Variants in DCAF13 observed in about 807,000 individuals in gnomAD.
DCAF13 encodes the protein DDB1 and CUL4 associated factor 13, also known as DDB1- and CUL4-associated factor 13.
In DCAF13, 38 loss-of-function variants were observed where a neutral mutation model predicts 59.0. That is an observed-to-expected ratio of 0.64 (90% CI 0.50 to 0.84). DCAF13 has a LOEUF of 0.84. Ranked by LOEUF, DCAF13 falls within the 40% of genes least tolerant of loss-of-function variation. DCAF13 has a pLI of 0.00. For missense variants in DCAF13, 469 were observed against 558.4 expected (o/e 0.84, Z 1.61); for synonymous variants, 173 against 175.0 (o/e 0.99, Z 0.09).
intron 3 of DCAF13, among the ~76,000 whole-genome samples, chr8:103,424,309 G>A (rs750580568): frequency 6.2e-4 from 95 of 152,352 alleles, no homozygotes; most frequent in Non-Finnish European, 1.1e-3. Flanking sequence ...TTACAGGCGC[G>A]AGCCGCCATG....
In DCAF13 at chr8:103,430,758, AAC is replaced by A. The variant is rs1173731641; in HGVS notation, c.702+71_702+72del. 7 of 1,089,156 alleles carry A rather than the reference AAC, an allele frequency of 6.4e-6. No homozygotes were observed. The African/African-American group carries it at 1.1e-4, about 18-fold the overall frequency. 67.5% of individuals were successfully genotyped at this position (1,089,156 alleles called of 1,614,324 possible). On this transcript the variant is annotated intron_variant, in intron 6 of 10. Transcript: ENST00000612750. ...ATATTTCTCTGTAAATAGAGTGACT[AAC>A]AATATGGAGCAAATATTTTCTCAGA...
At chr8:103,436,409 A>T (rs1371085537) in intron 8 of DCAF13, among the ~76,000 whole-genome samples, 1 of 152,120 alleles carries the variant, frequency 6.6e-6, no homozygotes, top group Non-Finnish European at 1.5e-5. Flanking sequence ...TTGGTTGATG[A>T]GAGGTTGAGA....
chr8:103,439,287 G>A (rs1816973280), intron 8 of DCAF13, among the ~76,000 whole-genome samples: 2 of 151,506 alleles, frequency 1.3e-5, no homozygotes, highest in South Asian at 4.2e-4. Context: ...CACCGCACCT[G>A]GCTCTATTAA....
At chr8:103,420,020 A>T (rs1364128641) in intron 1 of DCAF13, among the ~76,000 whole-genome samples, 1 of 152,050 alleles carries the variant, frequency 6.6e-6, no homozygotes, top group Non-Finnish European at 1.5e-5. Context: ...AAAAAAAAAA[A>T]AAAGGAAATG....
chr8:103,424,099 A>G (rs975307185), intron 3 of DCAF13, among the ~76,000 whole-genome samples: 1 of 152,030 alleles, frequency 6.6e-6, no homozygotes, highest in African/African-American at 2.4e-5. Flanking sequence ...GCTCACTGCA[A>G]GCTCTGCCTC....
At chr8:103,431,931 A>G (rs1816870647) in intron 6 of DCAF13, among the ~76,000 whole-genome samples, 1 of 152,144 alleles carries the variant, frequency 6.6e-6, no homozygotes, top group South Asian at 2.1e-4. Context: ...TCTAATTTGC[A>G]ACTCATTTAT....
At chr8:103,441,166 A>C (rs1817005084) in intron 9 of DCAF13, 5 of 243,552 alleles carry the variant, frequency 2.1e-5, no homozygotes, top group Non-Finnish European at 3.1e-5. Flanking sequence ...TATGTTATTG[A>C]TGCCTAGGGA....
At chr8:103,434,297 T>C (rs530920047) in intron 7 of DCAF13, among the ~76,000 whole-genome samples, 6 of 152,258 alleles carry the variant, frequency 3.9e-5, no homozygotes, top group African/African-American at 1.4e-4. Flanking sequence ...AGGGTTAGAA[T>C]AGATGATCCC....
At chr8:103,441,769 C>A in intron 10 of DCAF13, 151 bp downstream of exon 10, 1 of 721,570 alleles carries the variant, frequency 1.4e-6, no homozygotes, top group Non-Finnish European at 2.2e-6. Context: ...TACAGAAGGC[C>A]TTTTCTTTTT....
At chr8:103,416,918 A>G (rs1406010281) in intron 1 of DCAF13, among the ~76,000 whole-genome samples, 2 of 152,244 alleles carry the variant, frequency 1.3e-5, no homozygotes, top group South Asian at 2.1e-4. Flanking sequence ...TTTTAGTTGT[A>G]GGAACAGCTG....
chr8:103,424,888 C>T (rs945546049), intron 3 of DCAF13, among the ~76,000 whole-genome samples: 2 of 152,128 alleles, frequency 1.3e-5, no homozygotes, highest in African/African-American at 4.8e-5. Flanking sequence ...GGCTCAGATT[C>T]ATAGTTGTTA....
Position 103,427,172 on chromosome 8 carries a change from G to A in DCAF13, c.544G>A (p.Asp182Asn). ...ATGTGGACAGCAAGTAGACATTTGG[G>A]ATGAACAAAGAACTAATCCTATATG... Reference protein sequence around the residue: ...ATCGQQVDIWDEQRTNPICSM... With the variant: ...ATCGQQVDIWNEQRTNPICSM... Residue 182 changes from aspartate (D) to asparagine (N), a missense_variant, in exon 5 of 11, where the codon GAT becomes AAT. By Grantham distance (23) the Asp-to-Asn change is conservative (BLOSUM62 1). Around this residue, in one of 3 missense-constraint regions of DCAF13, gnomAD observed 355 missense variants for 399.1 expected, o/e 0.89. Transcript: ENST00000612750. The A allele has an allele frequency of 6.2e-7, 1 of 1,613,420 alleles. No individual in the cohort carries two copies. Among genetic ancestry groups the A allele is most frequent in the South Asian group, 1.1e-5 (1 of 91,052 alleles).
rs752723394 is a variant in DCAF13, at chr8:103,415,431, C to G, written c.-16C>G. The G allele has an allele frequency of 1.2e-6, 2 of 1,613,998 alleles. No individual in the cohort carries two copies. The highest frequency in any genetic ancestry group is 1.7e-6 in the Non-Finnish European group (2 of 1,180,004). On this transcript the variant is annotated 5_prime_UTR_variant, in exon 1 of 11. Transcript: ENST00000612750. Reference sequence around the variant, plus strand: ...TAGCGGACACCTCGTGGAGTCCGGCCGGAAGAGCAACCGAGATGAAGGTGA... The same window carrying G: ...TAGCGGACACCTCGTGGAGTCCGGCGGGAAGAGCAACCGAGATGAAGGTGA...
chr8:103,420,949 A>C (rs991300389), intron 2 of DCAF13, 26 bp from the exon 3 acceptor site: 1 of 1,414,764 alleles, frequency 7.1e-7, no homozygotes, highest in Admixed American at 1.7e-5. Flanking sequence ...TAGTTCACTG[A>C]AATTTCCTGG....
chr8:103,430,053 T>C (rs1586131023), intron 5 of DCAF13: 1 of 152,214 alleles, frequency 6.6e-6, no homozygotes, highest in African/African-American at 2.4e-5. Flanking sequence ...AAGTAAAATA[T>C]GTTTTATTAC....
chr8:103,431,231 A>C (rs1049652259), intron 6 of DCAF13, among the ~76,000 whole-genome samples: 1 of 152,220 alleles, frequency 6.6e-6, no homozygotes, highest in African/African-American at 2.4e-5. Flanking sequence ...CTTACATATC[A>C]GAGCTAATAA....
chr8:103,430,688 A>G lies in DCAF13; in HGVS notation c.701A>G (p.Lys234Arg). 1 of 1,608,130 alleles carries G rather than the reference A, an allele frequency of 6.2e-7. No individual in the cohort carries two copies. The highest frequency in any genetic ancestry group is 1.1e-5 in the South Asian group (1 of 90,014). ...YDMRQATPLK[K>R]VILDMRTNTI... Reference sequence around the variant, plus strand: ...ATGAGGCAAGCTACTCCTTTGAAAAAGGTGAGTTTCAGTTTTGACTTTTGC... The same window carrying G: ...ATGAGGCAAGCTACTCCTTTGAAAAGGGTGAGTTTCAGTTTTGACTTTTGC... Residue 234 changes from lysine to arginine, a missense_variant and splice_region_variant, in exon 6 of 11, where the codon AAG (lysine) becomes AGG (arginine). Transcript: ENST00000612750.
intron 4 of DCAF13, among the ~76,000 whole-genome samples, chr8:103,426,881 C>A (rs17804149): frequency 0.23 from 34,219 of 151,852 alleles, 4,085 homozygotes; most frequent in Middle Eastern, 0.32. Flanking sequence ...TAGTTGGAAA[C>A]ACGTTAGTAA....
chr8:103,415,642 T>A lies in DCAF13; in HGVS notation c.70+126T>A, dbSNP rs115908581. On this transcript the variant is annotated intron_variant, in intron 1 of 10. Coordinates refer to ENST00000612750, the MANE Select transcript of DCAF13 (RefSeq NM_015420.7). ...TGGTTCTTTCTCAGTTACCTTTCGC[T>A]AAGGCAAACTTTGTGCTTACGGAGT... 2,806 of 905,646 alleles carry A rather than the reference T, an allele frequency of 3.1e-3. 54 individuals carry two copies. In the African/African-American group the frequency reaches 0.041, roughly 13 times the overall value. The allele number at this position is 905,646 out of a possible 1,614,324, so 56.1% of individuals were successfully genotyped here.
Sources: gnomAD v4.1 joint callset for allele counts (sites outside exome capture counted in the v4.1 genomes callset) on GRCh38, gnomAD v4.1.1 for gene constraint, gnomAD v4.1.1 regional missense constraint, MANE v1.5 for transcripts, NCBI Gene and HGNC (gene_info 2026-07-23, HGNC 2026-07-21) for gene names.